ELFN1: variants seen among roughly 807,000 people sequenced by gnomAD.
The protein encoded by ELFN1 is extracellular leucine rich repeat and fibronectin type III domain containing 1.
A neutral mutation model predicts 7.6 loss-of-function variants in ELFN1; 6 were observed. That is an observed-to-expected ratio of 0.79 (90% CI 0.43 to 1.56). The LOEUF (loss-of-function observed/expected upper bound fraction) is 1.56. Among genes scored for constraint, ELFN1 ranks in the 40% most tolerant of loss-of-function variants. The pLI, the probability that ELFN1 is intolerant of heterozygous loss-of-function variation, is 0.01. For synonymous variants in ELFN1, 657 were observed against 588.1 expected (o/e 1.12, Z -1.70); for missense variants, 1,169 against 1,232.2 (o/e 0.95, Z 0.77).
chr7:1,683,957 T>C (rs1410557395), intron 1 of ELFN1, among the ~76,000 whole-genome samples: 1 of 152,182 alleles, frequency 6.6e-6, no homozygotes, highest in Non-Finnish European at 1.5e-5. Flanking sequence ...GAGACCACCC[T>C]GGGAAGCATA....
At chr7:1,678,111 G>A (rs1778906768) in intron 1 of ELFN1, among the ~76,000 whole-genome samples, 1 of 152,172 alleles carries the variant, frequency 6.6e-6, no homozygotes, top group Non-Finnish European at 1.5e-5. Context: ...CAGGGACCGA[G>A]GGGACTCAGC....
chr7:1,723,605 CT>C (rs777962783), intron 3 of ELFN1, among the ~76,000 whole-genome samples: 5 of 152,240 alleles, frequency 3.3e-5, no homozygotes, highest in Non-Finnish European at 7.3e-5. Flanking sequence ...ATAAACAATG[CT>C]GTTATGAACA....
At position 1,746,558 on chromosome 7, in the gene ELFN1, C is replaced by A. The variant is rs187511802; in HGVS notation, c.1962C>A (p.Ala654=). The change falls in exon 4 of 4, where the codon GCC becomes GCA. Residue 654 remains alanine (A), a synonymous_variant. Transcript: ENST00000424383. ...TGCGCAGCCCCCGCGCCTTCCGAGC[C>A]GAGGCCGTCGGGGTGCACAAGGCCG... ...GSVRSPRAFR[A]EAVGVHKAAA... 7.3e-7 allele frequency: 1 copy of A among 1,363,712 alleles called. No individual in the cohort carries two copies. 84.5% of individuals were successfully genotyped at this position (1,363,712 alleles called of 1,614,324 possible). A position where few individuals can be genotyped will look rare whatever the true frequency, so the allele number is the denominator to read the frequency against.
intron 3 of ELFN1, among the ~76,000 whole-genome samples, chr7:1,716,737 C>T (rs1344721145): frequency 6.6e-6 from 1 of 152,192 alleles, no homozygotes; most frequent in Admixed American, 6.5e-5. Flanking sequence ...CCCCCAGCCT[C>T]ACCCGGGAAA....
At chr7:1,682,978 AG>A (rs1417788815) in intron 1 of ELFN1, among the ~76,000 whole-genome samples, 21 of 152,226 alleles carry the variant, frequency 1.4e-4, no homozygotes, top group Admixed American at 1.4e-3. Context: ...AGTGATTTTC[AG>A]ATGCTAAACC....
intron 1 of ELFN1, among the ~76,000 whole-genome samples, chr7:1,676,203 G>A (rs1778867506): frequency 6.6e-6 from 1 of 152,206 alleles, no homozygotes; most frequent in Admixed American, 6.5e-5. Context: ...CCAGTCTGTT[G>A]TCTCCCTGCC....
Position 1,746,522 on chromosome 7 carries a change from C to T in ELFN1, c.1926C>T (p.Ser642=). ...AAGPPRASTS[S]SGSVRSPRAF... ...GGCCCCCTCGTGCCAGCACCTCGTC[C>T]AGCGGCTCCGTGCGCAGCCCCCGCG... The change falls in exon 4 of 4, where the codon TCC becomes TCT. Residue 642 remains serine, a synonymous_variant. Transcript: ENST00000424383. 1 of 1,457,716 alleles carries T rather than the reference C, an allele frequency of 6.9e-7. No homozygotes were observed. Among genetic ancestry groups the T allele is most frequent in the Non-Finnish European group, 9.0e-7 (1 of 1,115,118 alleles). 90.3% of individuals were successfully genotyped at this position (1,457,716 alleles called of 1,614,324 possible).
intron 3 of ELFN1, among the ~76,000 whole-genome samples, chr7:1,722,728 A>G (rs1780061297): frequency 6.6e-6 from 1 of 152,178 alleles, no homozygotes; most frequent in Non-Finnish European, 1.5e-5. Context: ...AATATTTAAG[A>G]TGTCTCAAAT....
chr7:1,740,928 G>A lies in ELFN1; in HGVS notation c.-293-3376G>A, dbSNP rs183630637. On this transcript the variant is annotated intron_variant, in intron 3 of 3. Coordinates refer to ENST00000424383, the MANE Select transcript of ELFN1 (RefSeq NM_001128636.4). The surrounding 1 kb of genome is among the most constrained non-coding windows in gnomAD (Gnocchi z 5.0). ...GTGGATCACCTGAGGTCAGGAGTTC[G>A]AAACCAGCCTGACCAATATGGTGAA... Among the ~76,000 whole-genome samples the A allele has an allele frequency of 1.6e-3, 251 of 152,250 alleles. 8 individuals are homozygous for A. In the East Asian group the frequency reaches 0.044, roughly 27 times the overall value.
intron 2 of ELFN1, among the ~76,000 whole-genome samples, chr7:1,706,424 A>AAAAAC (rs57052038): frequency 0.032 from 4,811 of 149,208 alleles, 108 homozygotes; most frequent in Middle Eastern, 0.071. Flanking sequence ...TCTGTCTCAA[A>AAAAAC]AAAACAAAAC....
rs768405607 is a variant in ELFN1, at chr7:1,745,946, C to T, written c.1350C>T (p.His450=). ...GGCGGCGGCGCCAGGAGGAGAAGCA[C>T]AAGAAGGCCGCCTCGGCAGCCGCAG... ...LRRRRRQEEK[H]KKAASAAAAG... The change falls in exon 4 of 4, where the codon CAC becomes CAT. Residue 450 remains histidine, a synonymous_variant. Transcript: ENST00000424383. The T allele has an allele frequency of 6.4e-7, 1 of 1,553,670 alleles. No individual in the cohort carries two copies. Among genetic ancestry groups the T allele is most frequent in the East Asian group, 2.4e-5 (1 of 41,052 alleles).
chr7:1,687,638 C>G (rs1484891754), intron 1 of ELFN1, among the ~76,000 whole-genome samples: 1 of 152,134 alleles, frequency 6.6e-6, no homozygotes, highest in East Asian at 1.9e-4. Context: ...GTAAGATCAA[C>G]TGGATTAGTA....
chr7:1,701,879 C>G (rs1428342468), intron 2 of ELFN1, among the ~76,000 whole-genome samples: 1 of 152,010 alleles, frequency 6.6e-6, no homozygotes, highest in Non-Finnish European at 1.5e-5. Flanking sequence ...ATGTATAGTT[C>G]TTCTTTTTGC....
At chr7:1,674,497 C>G (rs1212138665) in intron 1 of ELFN1, among the ~76,000 whole-genome samples, 1 of 152,116 alleles carries the variant, frequency 6.6e-6, no homozygotes, top group African/African-American at 2.4e-5. Flanking sequence ...CTAGCTGGCC[C>G]CTATAGGGTG....
At chr7:1,672,627 A>C (rs1266358940) in intron 1 of ELFN1, among the ~76,000 whole-genome samples, 1 of 152,068 alleles carries the variant, frequency 6.6e-6, no homozygotes, top group Non-Finnish European at 1.5e-5. Context: ...TCTGTTTCCA[A>C]CACACACGCA....
At chr7:1,729,350 TG>T (rs1780276066) in intron 3 of ELFN1, among the ~76,000 whole-genome samples, 1 of 152,220 alleles carries the variant, frequency 6.6e-6, no homozygotes, top group South Asian at 2.1e-4. Context: ...TCAGGGTTCT[TG>T]GGTCAGGCAC....
Position 1,677,384 on chromosome 7 carries a change from C to T in ELFN1, c.-549+7030C>T, listed in dbSNP as rs184554585. 5.3e-5 allele frequency among the ~76,000 whole-genome samples: 8 copies of T among 152,298 alleles called. No homozygotes were observed. The East Asian group carries it at 5.8e-4, about 11-fold the overall frequency. On this transcript the variant is annotated intron_variant, in intron 1 of 3. Transcript: ENST00000424383. ...CGGCACCCCGGCTTCCTCCAGGAGA[C>T]GGGATTCTCAGATCTTCATTTGCGT...
intron 2 of ELFN1, chr7:1,693,784 A>T (rs1281181181): frequency 2.1e-6 from 1 of 470,678 alleles, no homozygotes; most frequent in Non-Finnish European, 4.4e-6. Flanking sequence ...GTGCTGACAG[A>T]CACGGGGTGC....
chr7:1,686,404 C>T (rs1329130834), intron 1 of ELFN1, among the ~76,000 whole-genome samples: 1 of 151,046 alleles, frequency 6.6e-6, no homozygotes, highest in Admixed American at 6.6e-5. Context: ...CCTGGAACTC[C>T]TGGGCTTGAG....
Sources: allele counts gnomAD v4.1 joint callset (sites outside exome capture counted in the v4.1 genomes callset), GRCh38; gene constraint gnomAD v4.1.1; non-coding constraint Gnocchi (gnomAD v3.1); transcripts MANE v1.5; gene names NCBI Gene and HGNC (gene_info 2026-07-23, HGNC 2026-07-21).